Variants in PCDHGA9 observed in about 807,000 individuals in gnomAD.
PCDHGA9 encodes protocadherin gamma subfamily A, 9.
A neutral mutation model predicts 62.5 loss-of-function variants in PCDHGA9; 37 were observed. The ratio of observed to expected loss-of-function variants is 0.59; its 90% CI spans 0.46 to 0.78. The LOEUF is 0.78. Among genes scored for constraint, PCDHGA9 ranks in the 30% least tolerant of loss-of-function variants. PCDHGA9 has a pLI of 0.00. For missense variants in PCDHGA9, 1,138 were observed against 1,166.2 expected, an observed-to-expected ratio of 0.98 and a Z score of 0.35; for synonymous variants, 459 against 484.6, an observed-to-expected ratio of 0.95 and a Z score of 0.69.
In PCDHGA9 at chr5:141,511,599, C is replaced by G; in HGVS notation, c.*426C>G. 4.0e-6 allele frequency: 1 copy of G among 252,540 alleles called. No homozygotes were observed. Among genetic ancestry groups the G allele is most frequent in the South Asian group, 5.2e-5 (1 of 19,398 alleles). 15.6% of individuals were successfully genotyped at this position (252,540 alleles called of 1,614,324 possible). ...GTTGGGGTGTTGAAGTACCAAGTAA[C>G]CTACAAGCCTCCTAGTTCTGAAAAG... On this transcript the variant is annotated 3_prime_UTR_variant, in exon 4 of 4. Coordinates refer to ENST00000573521, the MANE Select transcript of PCDHGA9 (RefSeq NM_018921.3).
chr5:141,454,669 AC>A (rs1292139052), intron 1 of PCDHGA9, among the ~76,000 whole-genome samples: 1 of 151,212 alleles, frequency 6.6e-6, no homozygotes, highest in African/African-American at 2.4e-5. Context: ...GCCTCCCAAA[AC>A]ACTGGGATTA....
At chr5:141,501,550 A>G (rs1251701030) in intron 2 of PCDHGA9, among the ~76,000 whole-genome samples, 3 of 152,078 alleles carry the variant, frequency 2.0e-5, no homozygotes, top group Non-Finnish European at 4.4e-5. Flanking sequence ...ATAAGATCAT[A>G]GGCCCTGGAA....
chr5:141,402,966 C>T lies in PCDHGA9; in HGVS notation c.14C>T (p.Thr5Ile), dbSNP rs749578447. The T allele has an allele frequency of 6.2e-7, 1 of 1,606,060 alleles. No individual in the cohort carries two copies. The highest frequency in any genetic ancestry group is 8.5e-7 in the Non-Finnish European group (1 of 1,175,804). The change falls in exon 1 of 4, where the codon ACC (threonine) becomes ATC (isoleucine). Residue 5 changes from threonine (T) to isoleucine (I), a missense_variant. Thr to Ile is a moderately conservative substitution (Grantham distance 89, BLOSUM62 -1). Coordinates refer to ENST00000573521, the MANE Select transcript of PCDHGA9 (RefSeq NM_018921.3). ...AGCGAGGCAGCAATGGCAGCTCCAA[C>T]CAAATGCCAGCTCCGCGGAAGATTA... MAAP[T>I]KCQLRGRLVL...
chr5:141,421,359 C>T, intron 1 of PCDHGA9: 1 of 1,614,012 alleles, frequency 6.2e-7, no homozygotes, highest in Non-Finnish European at 8.5e-7. Context: ...AAAAGGGCTC[C>T]TTCGTGGGCA....
At chr5:141,497,568 C>G (rs1012946741) in intron 2 of PCDHGA9, among the ~76,000 whole-genome samples, 2 of 140,602 alleles carry the variant, frequency 1.4e-5, no homozygotes, top group African/African-American at 5.4e-5. Flanking sequence ...TAGACAGAGT[C>G]TTGCTCTGTT....
chr5:141,408,144 G>A (rs868032463), intron 1 of PCDHGA9: 1 of 1,496,186 alleles, frequency 6.7e-7, no homozygotes, highest in Non-Finnish European at 8.9e-7. Flanking sequence ...CTTTTAGCGC[G>A]GTAGAGTGCA....
chr5:141,497,211 G>C (rs914346878), intron 2 of PCDHGA9, among the ~76,000 whole-genome samples: 19 of 28,538 alleles, frequency 6.7e-4, no homozygotes, highest in African/African-American at 2.3e-3. Flanking sequence ...GAGTGTAATG[G>C]GGGGGGGAAG....
At chr5:141,414,646 A>G in intron 1 of PCDHGA9, 2 of 1,613,928 alleles carry the variant, frequency 1.2e-6, no homozygotes, top group Non-Finnish European at 1.7e-6. Context: ...GAATGCCCAG[A>G]TTATTTACTC....
intron 1 of PCDHGA9, chr5:141,478,158 C>G: frequency 6.2e-7 from 1 of 1,614,054 alleles, no homozygotes; most frequent in Non-Finnish European, 8.5e-7. Flanking sequence ...CCCTCTGGCT[C>G]TGCCCCCCGG....
At chr5:141,499,553 A>T (rs1215178587) in intron 2 of PCDHGA9, among the ~76,000 whole-genome samples, 3 of 152,206 alleles carry the variant, frequency 2.0e-5, no homozygotes, top group African/African-American at 4.8e-5. Context: ...CCTGTATGAT[A>T]CCACTATCCA....
chr5:141,505,155 C>T (rs2099844224), intron 2 of PCDHGA9, among the ~76,000 whole-genome samples: 1 of 152,162 alleles, frequency 6.6e-6, no homozygotes, highest in Non-Finnish European at 1.5e-5. Context: ...GAGTAAGACC[C>T]TGTCTAAAAC....
chr5:141,420,079 C>A, intron 1 of PCDHGA9: 1 of 1,613,998 alleles, frequency 6.2e-7, no homozygotes, highest in Non-Finnish European at 8.5e-7. Flanking sequence ...CTGTGGGTCC[C>A]CCCAACTACA....
rs747509171 is a variant in PCDHGA9, at chr5:141,477,069, A to G, written c.2425-17738A>G. The stretch of plus-strand genomic sequence containing the variant: ...CTGGACTTCGAGGACACCAAACTCC[A>G]TGAGATTTACATCCAGGCCAAAGAC... On this transcript the variant is annotated intron_variant, in intron 1 of 3. Coordinates refer to ENST00000573521, the MANE Select transcript of PCDHGA9 (RefSeq NM_018921.3). The surrounding 1 kb of genome is among the most constrained non-coding windows in gnomAD (Gnocchi z 4.9). 7 of 1,614,246 alleles carry G rather than the reference A, an allele frequency of 4.3e-6. No homozygotes were observed. The highest frequency in any genetic ancestry group is 5.9e-6 in the Non-Finnish European group (7 of 1,180,026).
At chr5:141,426,775 A>G (rs2096959432) in intron 1 of PCDHGA9, 1 of 456,496 alleles carries the variant, frequency 2.2e-6, no homozygotes, top group South Asian at 1.5e-5. Context: ...GTAGGGCCTC[A>G]CTCTCTCCAG....
Position 141,486,484 on chromosome 5 carries a change from C to A in PCDHGA9, c.2425-8323C>A. On this transcript the variant is annotated intron_variant, in intron 1 of 3. Transcript: ENST00000573521. This position sits in a 1 kb window ranked among gnomAD's most constrained non-coding sequence, Gnocchi z 5.0. ...ATGCTGGGAACCCTCCTCTCAGTAC[C>A]CACAGAACTATTTTCCTCAATATTT... is the stretch of plus-strand genomic sequence containing the variant. 5 of 1,614,102 alleles carry A rather than the reference C, an allele frequency of 3.1e-6. No homozygotes were observed. Among genetic ancestry groups the A allele is most frequent in the Non-Finnish European group, 4.2e-6 (5 of 1,179,930 alleles).
At chr5:141,418,171 G>A (rs2096234086) in intron 1 of PCDHGA9, 1 of 1,613,952 alleles carries the variant, frequency 6.2e-7, no homozygotes, top group African/African-American at 1.3e-5. Flanking sequence ...GATGTGAGTT[G>A]CAATTGGAAG....
At chr5:141,418,877 G>T in intron 1 of PCDHGA9, 1 of 1,613,960 alleles carries the variant, frequency 6.2e-7, no homozygotes, top group Non-Finnish European at 8.5e-7. Context: ...AGTTGTAGAC[G>T]AAAACGACAA....
Position 141,490,845 on chromosome 5 carries a change from G to T in PCDHGA9, c.2425-3962G>T, listed in dbSNP as rs748605746. The T allele has an allele frequency of 1.4e-5, 22 of 1,613,726 alleles. No individual in the cohort carries two copies. The highest frequency in any genetic ancestry group is 1.7e-5 in the Non-Finnish European group (20 of 1,179,894). On this transcript the variant is annotated intron_variant, in intron 1 of 3. Coordinates refer to ENST00000573521, the MANE Select transcript of PCDHGA9 (RefSeq NM_018921.3). This position sits in a 1 kb window ranked among gnomAD's most constrained non-coding sequence, Gnocchi z 5.4. ...TGCAGATGCTGCAGATTGTGGTGGG[G>T]GTTCGAGACTCCGGCTCTCCCCCAT...
At chr5:141,501,718 A>G (rs914077060) in intron 2 of PCDHGA9, among the ~76,000 whole-genome samples, 1 of 152,152 alleles carries the variant, frequency 6.6e-6, no homozygotes, top group Non-Finnish European at 1.5e-5. Flanking sequence ...AAAAAGACAA[A>G]TATATTACCC....
Sources: allele counts gnomAD v4.1 joint callset (sites outside exome capture counted in the v4.1 genomes callset), GRCh38; gene constraint gnomAD v4.1.1; non-coding constraint Gnocchi (gnomAD v3.1); transcripts MANE v1.5; gene names NCBI Gene and HGNC (gene_info 2026-07-23, HGNC 2026-07-21).